The following BAG4 variants were observed in gnomAD, a reference collection of about 807,000 sequenced individuals.
BAG4 encodes the protein BAG cochaperone 4.
In BAG4, 28 loss-of-function variants were observed where a neutral mutation model predicts 52.1. That is an observed-to-expected ratio of 0.54 (90% CI 0.40 to 0.74). The LOEUF (loss-of-function observed/expected upper bound fraction) is 0.74. BAG4 is among the 30% of genes least tolerant of loss of function. The pLI is 0.00. For missense variants in BAG4, 525 were observed against 572.0 expected (o/e 0.92, Z 0.84); for synonymous variants, 208 against 217.0 (o/e 0.96, Z 0.37).
At chr8:38,205,362 A>G (rs1803753960) in intron 2 of BAG4, among the ~76,000 whole-genome samples, 1 of 151,934 alleles carries the variant, frequency 6.6e-6, no homozygotes, top group South Asian at 2.1e-4. Context: ...CATAACAATA[A>G]AATTTGAAGA....
chr8:38,209,408 A>G, intron 4 of BAG4, 141 bp downstream of exon 4: 1 of 1,101,380 alleles, frequency 9.1e-7, no homozygotes, highest in Non-Finnish European at 1.2e-6. Flanking sequence ...GCTTTACCTC[A>G]GCTCGGTTTC....
At chr8:38,188,218 C>G (rs1207583794) in intron 1 of BAG4, among the ~76,000 whole-genome samples, 2 of 149,900 alleles carry the variant, frequency 1.3e-5, no homozygotes, top group Non-Finnish European at 3.0e-5. Context: ...ATATAAAAAA[C>G]AAAAAGTAAA....
rs1803879581 is a variant in BAG4, at chr8:38,212,345, A to G, written c.*1852A>G. On this transcript the variant is annotated 3_prime_UTR_variant, in exon 5 of 5. Coordinates refer to ENST00000287322, the MANE Select transcript of BAG4 (RefSeq NM_004874.4). The stretch of plus-strand genomic sequence containing the variant: ...ATATATGTACACATGTTATGCACAT[A>G]CATGTTTGTTTTCTAACAGTTATTT... 6.6e-6 allele frequency: 1 copy of G among 152,180 alleles called. No homozygotes were observed. The highest frequency in any genetic ancestry group is 2.1e-4 in the South Asian group (1 of 4,834). 9.4% of individuals were successfully genotyped at this position (152,180 alleles called of 1,614,324 possible).
At chr8:38,201,467 T>G (rs1803661209) in intron 2 of BAG4, among the ~76,000 whole-genome samples, 1 of 152,086 alleles carries the variant, frequency 6.6e-6, no homozygotes, top group South Asian at 2.1e-4. Context: ...ACACCTGGTT[T>G]AATTTTTAAA....
rs1803589458 is a variant in BAG4, at chr8:38,197,861, G to C, written c.378+5066G>C. On this transcript the variant is annotated intron_variant, in intron 2 of 4. Transcript: ENST00000287322. ...ACTACAGGCGTGTGCCACCACACCT[G>C]GCTAATTTTTGTGTTTTTAGTAGAG... is the stretch of plus-strand genomic sequence containing the variant. 2.6e-5 allele frequency among the ~76,000 whole-genome samples: 4 copies of C among 151,842 alleles called. 1 individual carries two copies. The East Asian group carries it at 7.8e-4, about 29-fold the overall frequency.
intron 2 of BAG4, among the ~76,000 whole-genome samples, chr8:38,198,974 C>A (rs1033920228): frequency 2.0e-5 from 3 of 152,124 alleles, no homozygotes; most frequent in Non-Finnish European, 4.4e-5. Flanking sequence ...CAAAGGACCT[C>A]CTTGTGGCTG....
chr8:38,187,962 G>A (rs779336334), intron 1 of BAG4, among the ~76,000 whole-genome samples: 18 of 149,812 alleles, frequency 1.2e-4, no homozygotes, highest in Non-Finnish European at 1.8e-4. Context: ...GCATGAACCC[G>A]GGAGGCGGAG....
intron 2 of BAG4, among the ~76,000 whole-genome samples, chr8:38,198,264 A>G (rs1460865999): frequency 1.3e-5 from 2 of 150,196 alleles, no homozygotes; most frequent in African/African-American, 2.4e-5. Flanking sequence ...GTCGCCTGTA[A>G]TTCCAGCTAC....
intron 1 of BAG4, among the ~76,000 whole-genome samples, chr8:38,180,975 CTG>C (rs904752036): frequency 6.8e-6 from 1 of 147,574 alleles, no homozygotes; most frequent in African/African-American, 2.5e-5. Context: ...GAGTTTCACT[CTG>C]TTACCCAGGC....
intron 2 of BAG4, among the ~76,000 whole-genome samples, chr8:38,203,687 A>G (rs924961827): frequency 6.6e-6 from 1 of 151,802 alleles, no homozygotes; most frequent in African/African-American, 2.4e-5. Flanking sequence ...CCTGTGATAT[A>G]GGCTGGGTGC....
intron 1 of BAG4, among the ~76,000 whole-genome samples, chr8:38,178,165 T>G (rs1803199796): frequency 1.3e-5 from 2 of 151,746 alleles, no homozygotes; most frequent in Non-Finnish European, 2.9e-5. Context: ...TTTTGTTTTT[T>G]TTTTTTTTGA....
intron 4 of BAG4, 72 bp downstream of exon 4, chr8:38,209,339 T>C (rs749519099): frequency 1.9e-6 from 3 of 1,579,570 alleles, no homozygotes; most frequent in African/African-American, 1.3e-5. Flanking sequence ...ATATAGTTTC[T>C]GTACTGGTTT....
At chr8:38,209,987 T>A (rs182944999) in intron 4 of BAG4, 21 bp from the exon 5 acceptor site, 12 of 1,604,396 alleles carry the variant, frequency 7.5e-6, no homozygotes, top group Non-Finnish European at 1.0e-5. Flanking sequence ...TCTTTTCCTC[T>A]TTTTGCTCTC....
Position 38,210,082 on chromosome 8 carries a change from C to CGA in BAG4, c.964_965dup (p.Ser323AsnfsTer6). ...ACTTTCCTTGCAGTGTCCATCAGTA[C>CGA]GAATCCTCGGGGACAGTGAACAATG... On this transcript the variant is annotated frameshift_variant, in exon 5 of 5. Coordinates refer to ENST00000287322, the MANE Select transcript of BAG4 (RefSeq NM_004874.4). LOFTEE classifies it high-confidence loss of function. 1.9e-6 allele frequency: 3 copies of CGA among 1,614,128 alleles called. No individual in the cohort carries two copies. Among genetic ancestry groups the CGA allele is most frequent in the Non-Finnish European group, 2.5e-6 (3 of 1,180,034 alleles).
Position 38,207,599 on chromosome 8 carries a change from T to A in BAG4, c.466T>A (p.Tyr156Asn), listed in dbSNP as rs537081631. 1.2e-5 allele frequency: 20 copies of A among 1,614,146 alleles called. No individual in the cohort carries two copies. The highest frequency in any genetic ancestry group is 1.7e-5 in the Non-Finnish European group (20 of 1,180,000). ...TACTGCCTCATACTCAGGGGCTTATTATGCACCTGGTTATACTCAGACCAG... is the reference window on the plus strand; with the variant it reads ...TACTGCCTCATACTCAGGGGCTTATAATGCACCTGGTTATACTCAGACCAG... Reference protein sequence around the residue: ...ANTASYSGAYYAPGYTQTSYS... With the variant: ...ANTASYSGAYNAPGYTQTSYS... Residue 156 changes from tyrosine (Y) to asparagine (N), a missense_variant, in exon 3 of 5, where the codon TAT becomes AAT. By Grantham distance (143) the Tyr-to-Asn change is moderately radical. This residue lies in a region of BAG4 where 287 missense variants were observed against 266.1 expected (regional missense o/e 1.08). Coordinates refer to ENST00000287322, the MANE Select transcript of BAG4 (RefSeq NM_004874.4).
Position 38,177,150 on chromosome 8 carries a change from CA to C in BAG4, c.270+12del. The C allele has an allele frequency of 6.2e-7, 1 of 1,611,306 alleles. No homozygotes were observed. Among genetic ancestry groups the C allele is most frequent in the East Asian group, 2.2e-5 (1 of 44,852 alleles). ...GGAGGAAGCCACCAGGTAAGCTTTG[CA>C]CCCTCTGTCCTTGCGGGGAGGTGAG... On this transcript the variant is annotated intron_variant, in intron 1 of 4. Transcript: ENST00000287322.
intron 1 of BAG4, among the ~76,000 whole-genome samples, chr8:38,179,829 C>G (rs1803234111): frequency 6.6e-6 from 1 of 151,968 alleles, no homozygotes; most frequent in South Asian, 2.1e-4. Flanking sequence ...ATACATAGGT[C>G]ATGGGACTAT....
chr8:38,176,858 G>GCA lies in BAG4; in HGVS notation c.-11_-10dup. 4 of 1,493,728 alleles carry GCA rather than the reference G, an allele frequency of 2.7e-6. No homozygotes were observed. Among genetic ancestry groups the GCA allele is most frequent in the Non-Finnish European group, 3.6e-6 (4 of 1,120,106 alleles). 92.5% of individuals were successfully genotyped at this position (1,493,728 alleles called of 1,614,324 possible). A position where few individuals can be genotyped will look rare whatever the true frequency, so the allele number is the denominator to read the frequency against. ...GGAGCGGGGCGGGAAGCGCTTCAGG[G>GCA]CAGCGGATCCCATGTCGGCCCTGAG... On this transcript the variant is annotated 5_prime_UTR_variant, in exon 1 of 5. Coordinates refer to ENST00000287322, the MANE Select transcript of BAG4 (RefSeq NM_004874.4).
chr8:38,196,820 T>C (rs1007766024), intron 2 of BAG4, among the ~76,000 whole-genome samples: 4 of 152,140 alleles, frequency 2.6e-5, no homozygotes, highest in African/African-American at 9.7e-5. Context: ...CTCACACCTG[T>C]AATCCCAGCA....
Sources: allele counts gnomAD v4.1 joint callset (sites outside exome capture counted in the v4.1 genomes callset), GRCh38; gene constraint gnomAD v4.1.1; regional missense constraint gnomAD v4.1.1; transcripts MANE v1.5; gene names NCBI Gene and HGNC (gene_info 2026-07-23, HGNC 2026-07-21).